LARGE1: variants seen among roughly 807,000 people sequenced by gnomAD.
LARGE1 encodes LARGE xylosyl- and glucuronyltransferase 1.
LARGE1 carries 43 observed loss-of-function variants against 87.6 expected under a neutral mutation model. The ratio of observed to expected loss-of-function variants is 0.49; its 90% confidence interval spans 0.38 to 0.63. The LOEUF (loss-of-function observed/expected upper bound fraction) is 0.63. Among genes scored for constraint, LARGE1 ranks in the 30% least tolerant of loss-of-function variants. The pLI is 0.00. For missense variants in LARGE1, 802 were observed against 1,000.2 expected, an observed-to-expected ratio of 0.80 and a Z score of 2.67; for synonymous variants, 434 against 394.6, an observed-to-expected ratio of 1.10 and a Z score of -1.18.
chr22:33,349,621 C>A (rs1274541199), intron 9 of LARGE1, among the ~76,000 whole-genome samples: 2 of 152,238 alleles, frequency 1.3e-5, no homozygotes, highest in Non-Finnish European at 2.9e-5. Flanking sequence ...TCCCCATGAG[C>A]TGCTGAAGCT....
At chr22:33,536,702 G>A (rs755572662) in intron 6 of LARGE1, among the ~76,000 whole-genome samples, 2 of 152,250 alleles carry the variant, frequency 1.3e-5, no homozygotes, top group Non-Finnish European at 2.9e-5. Context: ...TTTACCCGAT[G>A]AGGCTGCCAC....
chr22:33,402,042 C>T (rs889195922), intron 7 of LARGE1, among the ~76,000 whole-genome samples: 4 of 152,158 alleles, frequency 2.6e-5, no homozygotes, highest in Non-Finnish European at 5.9e-5. Flanking sequence ...TGATGGGATC[C>T]TGATTGTTAT....
chr22:33,572,241 AT>A (rs2078227500), intron 5 of LARGE1: 1 of 1,274,676 alleles, frequency 7.8e-7, no homozygotes, highest in African/African-American at 1.5e-5. Context: ...TTGAAAAGTC[AT>A]TTGCCTTTCA....
intron 1 of LARGE1, among the ~76,000 whole-genome samples, chr22:33,874,601 AG>A (rs2064407127): frequency 6.6e-6 from 1 of 152,162 alleles, no homozygotes; most frequent in South Asian, 2.1e-4. Flanking sequence ...TTTCATTTTT[AG>A]GTAATAAATC....
chr22:33,394,081 C>CAA lies in LARGE1; in HGVS notation c.893-9779_893-9778dup, dbSNP rs66531142. Among the ~76,000 whole-genome samples, 435 of 109,932 alleles carry CAA rather than the reference C, an allele frequency of 4.0e-3. 2 individuals are homozygous for CAA. Among genetic ancestry groups the CAA allele is most frequent in the African/African-American group, 0.011 (416 of 36,768 alleles). 72.1% of individuals were successfully genotyped at this position (109,932 alleles called of 152,430 possible). On this transcript the variant is annotated intron_variant, in intron 7 of 14. Coordinates refer to ENST00000397394, the MANE Select transcript of LARGE1 (RefSeq NM_133642.5). ...CATTATTTTTTGCCAGTGCAACTGC[C>CAA]AAAAAAAAAAAAAAAAAGAGAAGCT...
chr22:33,739,851 A>G (rs1184945304), intron 2 of LARGE1, among the ~76,000 whole-genome samples: 1 of 152,166 alleles, frequency 6.6e-6, no homozygotes, highest in Non-Finnish European at 1.5e-5. Flanking sequence ...GAGGGCATGG[A>G]AGGAGGCGGG....
At chr22:33,148,439 T>C in the LARGE1 span, among the ~76,000 whole-genome samples, 1 of 152,222 alleles carries the variant, frequency 6.6e-6, no homozygotes, top group Non-Finnish European at 1.5e-5. Flanking sequence ...AGTAGGCCAT[T>C]GCATGAATAT....
chr22:33,343,695 AT>A (rs1289457376), intron 9 of LARGE1, among the ~76,000 whole-genome samples: 1 of 151,930 alleles, frequency 6.6e-6, no homozygotes, highest in East Asian at 1.9e-4. Context: ...TGGTATGGTG[AT>A]TTCTATTATT....
intron 11 of LARGE1, among the ~76,000 whole-genome samples, chr22:33,233,666 C>G (rs577194758): frequency 9.2e-5 from 14 of 152,246 alleles, no homozygotes; most frequent in Admixed American, 7.8e-4. Context: ...GTGAAAGTCC[C>G]TAAGAAAAGG....
intron 1 of LARGE1, among the ~76,000 whole-genome samples, chr22:33,831,727 A>C (rs2062974907): frequency 6.6e-6 from 1 of 150,708 alleles, no homozygotes; most frequent in Non-Finnish European, 1.5e-5. Flanking sequence ...TCAGGTCCTA[A>C]CACAACACAC....
chr22:33,320,052 C>G (rs968668477), intron 10 of LARGE1, among the ~76,000 whole-genome samples: 1 of 152,226 alleles, frequency 6.6e-6, no homozygotes, highest in African/African-American at 2.4e-5. Flanking sequence ...TTTGAAGATT[C>G]TCACCATGCC....
the LARGE1 span, among the ~76,000 whole-genome samples, chr22:33,093,031 T>C: frequency 6.9e-6 from 1 of 144,936 alleles, no homozygotes; most frequent in Non-Finnish European, 1.6e-5. Context: ...TGGTTCTAGA[T>C]CTTTGAGGAA....
At chr22:33,230,003 T>C (rs1053618525) in intron 11 of LARGE1, among the ~76,000 whole-genome samples, 7 of 130,398 alleles carry the variant, frequency 5.4e-5, no homozygotes, top group Non-Finnish European at 9.7e-5. Flanking sequence ...TTTTCAAAGT[T>C]CTTTTTTTTT....
At chr22:33,813,082 C>T (rs1192234740) in intron 1 of LARGE1, among the ~76,000 whole-genome samples, 1 of 152,002 alleles carries the variant, frequency 6.6e-6, no homozygotes, top group African/African-American at 2.4e-5. Flanking sequence ...AGGCCGGGCG[C>T]AGTGGCTCAC....
At chr22:33,396,243 C>A (rs144272211) in intron 7 of LARGE1, among the ~76,000 whole-genome samples, 1 of 152,346 alleles carries the variant, frequency 6.6e-6, no homozygotes, top group Non-Finnish European at 1.5e-5. Flanking sequence ...ACCTTCCTCC[C>A]TTCTGCTTTG....
At chr22:33,700,430 C>G (rs1204739444) in intron 2 of LARGE1, among the ~76,000 whole-genome samples, 1 of 152,180 alleles carries the variant, frequency 6.6e-6, no homozygotes, top group Non-Finnish European at 1.5e-5. Flanking sequence ...AGGCTGAATG[C>G]TGCCTCACAA....
intron 2 of LARGE1, among the ~76,000 whole-genome samples, chr22:33,699,714 C>A (rs185839114): frequency 5.8e-4 from 89 of 152,170 alleles, no homozygotes; most frequent in African/African-American, 2.1e-3. Context: ...TAAAATAGTT[C>A]TTTCAATAAG....
intron 5 of LARGE1, among the ~76,000 whole-genome samples, chr22:33,566,991 A>T (rs1024169797): frequency 2.0e-5 from 3 of 152,226 alleles, no homozygotes; most frequent in Admixed American, 6.5e-5. Flanking sequence ...CCCTACACCC[A>T]GGCATCATGG....
intron 1 of LARGE1, among the ~76,000 whole-genome samples, chr22:33,857,361 G>C (rs939754253): frequency 6.6e-6 from 1 of 152,206 alleles, no homozygotes; most frequent in Admixed American, 6.5e-5. Context: ...AGACAGCTGG[G>C]AAGCCCCAAA....
Sources: allele counts gnomAD v4.1 joint callset (sites outside exome capture counted in the v4.1 genomes callset), GRCh38; gene constraint gnomAD v4.1.1; transcripts MANE v1.5; gene names NCBI Gene and HGNC (gene_info 2026-07-23, HGNC 2026-07-21).